Variants in EPB41L4A observed in about 807,000 individuals in gnomAD.
EPB41L4A encodes band 4.1-like protein 4A.
A neutral mutation model predicts 108.6 loss-of-function variants in EPB41L4A; 100 were observed. The ratio of observed to expected loss-of-function variants is 0.92; its 90% CI spans 0.78 to 1.09. EPB41L4A has a LOEUF of 1.09. EPB41L4A is among the 50% of genes least tolerant of loss of function. EPB41L4A has a pLI of 0.00. For missense variants in EPB41L4A, 1,030 were observed against 842.7 expected (o/e 1.22, Z -2.75); for synonymous variants, 319 against 289.0 (o/e 1.10, Z -1.05).
intron 12 of EPB41L4A, among the ~76,000 whole-genome samples, chr5:112,156,950 C>G (rs1759668723): frequency 6.6e-6 from 1 of 152,058 alleles, no homozygotes; most frequent in African/African-American, 2.4e-5. Flanking sequence ...AGAAAAGGGA[C>G]AGTAATAGCC....
At chr5:112,273,037 A>G (rs992078822) in intron 4 of EPB41L4A, among the ~76,000 whole-genome samples, 1 of 152,168 alleles carries the variant, frequency 6.6e-6, no homozygotes, top group Non-Finnish European at 1.5e-5. Flanking sequence ...CTTAAATAGC[A>G]TATATCTGGA....
intron 12 of EPB41L4A, among the ~76,000 whole-genome samples, chr5:112,157,180 G>A (rs1759680293): frequency 6.6e-6 from 1 of 151,844 alleles, no homozygotes; most frequent in South Asian, 2.1e-4. Context: ...CTATGATGAT[G>A]GTGGCATGGT....
intron 1 of EPB41L4A, among the ~76,000 whole-genome samples, chr5:112,343,814 A>T (rs1248135793): frequency 6.6e-6 from 1 of 152,242 alleles, no homozygotes; most frequent in African/African-American, 2.4e-5. Context: ...ATTACAATGC[A>T]CAGCCCTCTT....
At chr5:112,320,870 T>G (rs976027500) in intron 1 of EPB41L4A, among the ~76,000 whole-genome samples, 6 of 152,164 alleles carry the variant, frequency 3.9e-5, no homozygotes, top group Non-Finnish European at 8.8e-5. Context: ...CTTACAGGTG[T>G]CTTCCACTCC....
chr5:112,419,234 G>C lies in EPB41L4A; in HGVS notation c.-195C>G, dbSNP rs1762924311. Reference sequence around the variant, plus strand: ...GAGCGAGAAAGGCGGAAAAGCCCGGGAGAGTCAGCGCCCGGGAGCCGCCGG... The same window carrying C: ...GAGCGAGAAAGGCGGAAAAGCCCGGCAGAGTCAGCGCCCGGGAGCCGCCGG... On this transcript the variant is annotated 5_prime_UTR_variant, in exon 1 of 23. Coordinates refer to ENST00000261486, the MANE Select transcript of EPB41L4A (RefSeq NM_022140.5). 1 of 452,134 alleles carries C rather than the reference G, an allele frequency of 2.2e-6. No homozygotes were observed. The highest frequency in any genetic ancestry group is 2.1e-5 in the African/African-American group (1 of 47,208). 28.0% of individuals were successfully genotyped at this position (452,134 alleles called of 1,614,324 possible). A position where few individuals can be genotyped will look rare whatever the true frequency, so the allele number is the denominator to read the frequency against.
intron 1 of EPB41L4A, among the ~76,000 whole-genome samples, chr5:112,386,922 A>C (rs1187130716): frequency 6.6e-6 from 1 of 151,264 alleles, no homozygotes; most frequent in Non-Finnish European, 1.5e-5. Flanking sequence ...ATCCATCCCC[A>C]CTCCCACCGA....
chr5:112,265,428 C>T (rs957373457), intron 5 of EPB41L4A, among the ~76,000 whole-genome samples: 2 of 152,050 alleles, frequency 1.3e-5, no homozygotes, highest in Non-Finnish European at 2.9e-5. Flanking sequence ...ACACCTTTGC[C>T]TGAAATAATG....
Position 112,375,290 on chromosome 5 carries a change from C to A in EPB41L4A, c.99+43651G>T, listed in dbSNP as rs116737596. The stretch of plus-strand genomic sequence containing the variant: ...TAACTATCTTGAAGACACTGACCCA[C>A]AGACCATAACAAGGTCAGTCTCTCT... On this transcript the variant is annotated intron_variant, in intron 1 of 22. Coordinates refer to ENST00000261486, the MANE Select transcript of EPB41L4A (RefSeq NM_022140.5). Among the ~76,000 whole-genome samples the A allele has an allele frequency of 6.9e-3, 1,037 of 151,220 alleles. 13 individuals are homozygous for A. Among genetic ancestry groups the A allele is most frequent in the African/African-American group, 0.024 (993 of 40,794 alleles).
intron 2 of EPB41L4A, among the ~76,000 whole-genome samples, chr5:112,307,109 C>T (rs990860609): frequency 2.0e-5 from 3 of 152,158 alleles, no homozygotes; most frequent in African/African-American, 7.2e-5. Flanking sequence ...TTCACTCATG[C>T]TTTGCATTCA....
At position 112,171,126 on chromosome 5, in the gene EPB41L4A, G is replaced by A. The variant is rs574941354; in HGVS notation, c.1623-134C>T. The A allele has an allele frequency of 1.8e-4, 132 of 735,262 alleles. 3 individuals are homozygous for A. In the South Asian group the frequency reaches 2.0e-3, roughly 11 times the overall value. 45.5% of individuals were successfully genotyped at this position (735,262 alleles called of 1,614,324 possible). Reference sequence around the variant, plus strand: ...AACAGACAAGGAAAGACTGGACAGGGAGAGCCATTGTGATGGTTAGTATAA... The same window carrying A: ...AACAGACAAGGAAAGACTGGACAGGAAGAGCCATTGTGATGGTTAGTATAA... On this transcript the variant is annotated intron_variant, in intron 18 of 22. Transcript: ENST00000261486.
In EPB41L4A at chr5:112,280,266, A is replaced by G; in HGVS notation, c.256+6T>C. On this transcript the variant is annotated splice_donor_region_variant and intron_variant, in intron 3 of 22. Coordinates refer to ENST00000261486, the MANE Select transcript of EPB41L4A (RefSeq NM_022140.5). ...CCCTTTAACAAAGTAAAAGCTAAAT[A>G]CCTACTGTTGATCAGTTCTTTGTGT... 1 of 1,613,268 alleles carries G rather than the reference A, an allele frequency of 6.2e-7. No individual in the cohort carries two copies. Among genetic ancestry groups the G allele is most frequent in the Non-Finnish European group, 8.5e-7 (1 of 1,179,262 alleles).
At chr5:112,276,992 T>C (rs1752664082) in intron 3 of EPB41L4A, among the ~76,000 whole-genome samples, 1 of 152,218 alleles carries the variant, frequency 6.6e-6, no homozygotes, top group Admixed American at 6.5e-5. Flanking sequence ...GTTTAACTTT[T>C]ATGTTTGTTT....
chr5:112,255,283 C>T (rs1378066955), intron 9 of EPB41L4A, among the ~76,000 whole-genome samples: 2 of 152,186 alleles, frequency 1.3e-5, no homozygotes, highest in African/African-American at 2.4e-5. Flanking sequence ...TTCTTATCTT[C>T]CTGTTACCTC....
chr5:112,304,232 T>A lies in EPB41L4A; in HGVS notation c.204+3154A>T, dbSNP rs532430254. Among the ~76,000 whole-genome samples, 10 of 152,294 alleles carry A rather than the reference T, an allele frequency of 6.6e-5. No homozygotes were observed. In the East Asian group the frequency reaches 1.9e-3, roughly 29 times the overall value. The stretch of plus-strand genomic sequence containing the variant: ...GGGCAGCAGACCCAGGACCTAATTC[T>A]CAATGCCACGTTGATTTCCATATTC... On this transcript the variant is annotated intron_variant, in intron 2 of 22. Transcript: ENST00000261486.
At chr5:112,271,119 G>T (rs1752235665) in intron 4 of EPB41L4A, among the ~76,000 whole-genome samples, 2 of 152,280 alleles carry the variant, frequency 1.3e-5, no homozygotes, top group East Asian at 1.9e-4. Flanking sequence ...TGGTACTCCA[G>T]ATAGTTACTG....
rs576618986 is a variant in EPB41L4A at position 112,220,844 on chromosome 5, AG to A, written c.1088-10863del. ...TAGATATCCTGCTTTACCCAGAGGG[AG>A]GGGATATCATACAGGGAAACCAAGA... is the stretch of plus-strand genomic sequence containing the variant. On this transcript the variant is annotated intron_variant, in intron 12 of 22. Transcript: ENST00000261486. 2.5e-4 allele frequency among the ~76,000 whole-genome samples: 38 copies of A among 152,178 alleles called. 1 individual carries two copies. In the South Asian group the frequency reaches 2.7e-3, roughly 11 times the overall value.
intron 13 of EPB41L4A, among the ~76,000 whole-genome samples, chr5:112,206,528 C>T (rs765228016): frequency 2.0e-5 from 3 of 151,892 alleles, no homozygotes; most frequent in Non-Finnish European, 4.4e-5. Context: ...ATTCAATTCC[C>T]AAAGTAAAAG....
intron 18 of EPB41L4A, among the ~76,000 whole-genome samples, chr5:112,176,817 C>T (rs1310959388): frequency 2.8e-5 from 4 of 144,090 alleles, no homozygotes; most frequent in Admixed American, 1.4e-4. Context: ...TGCAATGGCG[C>T]CATCTCGGCT....
chr5:112,241,811 G>C lies in EPB41L4A; in HGVS notation c.796-1001C>G, dbSNP rs541992940. ...TGGAGATACTATAGGTTCAGCTGCAGACTACTGCAATAAAGTGAATATTGC... is the reference window on the plus strand; with the variant it reads ...TGGAGATACTATAGGTTCAGCTGCACACTACTGCAATAAAGTGAATATTGC... On this transcript the variant is annotated intron_variant, in intron 9 of 22. Coordinates refer to ENST00000261486, the MANE Select transcript of EPB41L4A (RefSeq NM_022140.5). 2.0e-4 allele frequency among the ~76,000 whole-genome samples: 31 copies of C among 152,288 alleles called. 1 individual carries two copies. The South Asian group carries it at 6.2e-3, about 31-fold the overall frequency.
Sources: gnomAD v4.1 joint callset for allele counts (sites outside exome capture counted in the v4.1 genomes callset) on GRCh38, gnomAD v4.1.1 for gene constraint, MANE v1.5 for transcripts, NCBI Gene and HGNC (gene_info 2026-07-23, HGNC 2026-07-21) for gene names.